RIMS2: variants seen among roughly 807,000 people sequenced by gnomAD.
The protein encoded by RIMS2 is regulating synaptic membrane exocytosis protein 2.
In RIMS2, 59 loss-of-function variants were observed where a neutral mutation model predicts 174.4. The ratio of observed to expected loss-of-function variants is 0.34; its 90% CI spans 0.27 to 0.42. RIMS2 has a LOEUF of 0.42. Among genes scored for constraint, RIMS2 ranks in the 10% least tolerant of loss-of-function variants. The pLI, the probability that RIMS2 is intolerant of heterozygous loss-of-function variation, is 1.00. For synonymous variants in RIMS2, 606 were observed against 572.5 expected, an observed-to-expected ratio of 1.06 and a Z score of -0.84; for missense variants, 1,620 against 1,666.3, an observed-to-expected ratio of 0.97 and a Z score of 0.48.
chr8:103,721,832 A>G (rs1019512024), intron 2 of RIMS2, among the ~76,000 whole-genome samples: 6 of 152,124 alleles, frequency 3.9e-5, no homozygotes, highest in African/African-American at 1.4e-4. Flanking sequence ...GTCAATAGCT[A>G]TATAGGGTTG....
intron 1 of RIMS2, among the ~76,000 whole-genome samples, chr8:103,508,047 T>C (rs1824548235): frequency 6.6e-6 from 1 of 152,162 alleles, no homozygotes; most frequent in South Asian, 2.1e-4. Flanking sequence ...ATGGTATTGT[T>C]TGATTATATT....
At chr8:103,724,096 G>T (rs1416226342) in intron 2 of RIMS2, among the ~76,000 whole-genome samples, 1 of 130,868 alleles carries the variant, frequency 7.6e-6, no homozygotes, top group Non-Finnish European at 1.5e-5. Context: ...GCACTGTACT[G>T]CAGGGATGTG....
intron 19 of RIMS2, among the ~76,000 whole-genome samples, chr8:104,084,486 A>C (rs2097499392): frequency 6.6e-6 from 1 of 151,478 alleles, no homozygotes; most frequent in Non-Finnish European, 1.5e-5. Context: ...AGAATGAATA[A>C]ACCTGAATTT....
chr8:104,226,723 T>C (rs1170652009), intron 19 of RIMS2, among the ~76,000 whole-genome samples: 1 of 152,200 alleles, frequency 6.6e-6, no homozygotes, highest in South Asian at 2.1e-4. Context: ...TAAACATTGA[T>C]TCAGGTGTCA....
At position 103,865,800 on chromosome 8, in the gene RIMS2, A is replaced by G. The variant is rs573873486; in HGVS notation, c.699-19498A>G. ...TTAACAGAAGCACTATTTTTTTTCT[A>G]TTATTCAGAATTTGGATAATATTTT... On this transcript the variant is annotated intron_variant, in intron 3 of 23. Coordinates refer to ENST00000504942, the Ensembl canonical transcript of RIMS2. Among the ~76,000 whole-genome samples the G allele has an allele frequency of 5.9e-3, 896 of 152,094 alleles. 3 individuals carry two copies. The highest frequency in any genetic ancestry group is 0.01 in the Non-Finnish European group (713 of 67,950).
rs1038578556 is a variant in RIMS2, at chr8:104,126,994, C to G, written c.3334+112379C>G. On this transcript the variant is annotated intron_variant, in intron 19 of 23. Coordinates refer to ENST00000504942, the Ensembl canonical transcript of RIMS2. Reference sequence around the variant, plus strand: ...GCTAGTGCCCATTCAGCTCAAAGTTCTAAATTATCTGAAACTCAGAATAAT... The same window carrying G: ...GCTAGTGCCCATTCAGCTCAAAGTTGTAAATTATCTGAAACTCAGAATAAT... 2.6e-5 allele frequency among the ~76,000 whole-genome samples: 4 copies of G among 152,160 alleles called. No individual in the cohort carries two copies. The South Asian group carries it at 6.2e-4, about 24-fold the overall frequency.
intron 1 of RIMS2, among the ~76,000 whole-genome samples, chr8:103,550,422 C>T (rs922105790): frequency 2.0e-5 from 3 of 152,072 alleles, no homozygotes; most frequent in African/African-American, 7.2e-5. Context: ...AACAAAGACA[C>T]AACATAACCA....
At chr8:103,871,068 C>T (rs1040871620) in intron 3 of RIMS2, among the ~76,000 whole-genome samples, 2 of 152,156 alleles carry the variant, frequency 1.3e-5, no homozygotes, top group Non-Finnish European at 2.9e-5. Flanking sequence ...TGTGCCATTT[C>T]AAATTCATTG....
chr8:104,099,263 T>A (rs2130860002), intron 19 of RIMS2, among the ~76,000 whole-genome samples: 1 of 152,328 alleles, frequency 6.6e-6, no homozygotes, highest in Non-Finnish European at 1.5e-5. Flanking sequence ...TGTTTTGTTT[T>A]GTTTTTAATT....
chr8:103,565,082 T>G (rs2092169855), intron 1 of RIMS2, among the ~76,000 whole-genome samples: 1 of 152,208 alleles, frequency 6.6e-6, no homozygotes, highest in Non-Finnish European at 1.5e-5. Context: ...ACATATGGGC[T>G]AAAGACATGT....
intron 19 of RIMS2, among the ~76,000 whole-genome samples, chr8:104,097,291 C>G (rs567263916): frequency 9.9e-5 from 15 of 152,072 alleles, no homozygotes; most frequent in African/African-American, 3.4e-4. Flanking sequence ...ATACACATAG[C>G]CTGAAGGTAA....
At chr8:103,606,704 A>G (rs2095107916) in intron 1 of RIMS2, among the ~76,000 whole-genome samples, 1 of 152,122 alleles carries the variant, frequency 6.6e-6, no homozygotes, top group Non-Finnish European at 1.5e-5. Flanking sequence ...GTGCATATAT[A>G]TTTAGGATAG....
In RIMS2 at chr8:103,661,619, T is replaced by C. The variant is rs143773172; in HGVS notation, c.177-35467T>C. Among the ~76,000 whole-genome samples, 27 of 152,278 alleles carry C rather than the reference T, an allele frequency of 1.8e-4. 1 individual carries two copies. Among genetic ancestry groups the C allele is most frequent in the African/African-American group, 6.5e-4 (27 of 41,550 alleles). On this transcript the variant is annotated intron_variant, in intron 1 of 23. Coordinates refer to ENST00000504942, the Ensembl canonical transcript of RIMS2. ...CCCGGGTTCAATCAATTATCCTGCCTCAGCCTCCCGAGTAGCTGGGATTAC... is the reference window on the plus strand; with the variant it reads ...CCCGGGTTCAATCAATTATCCTGCCCCAGCCTCCCGAGTAGCTGGGATTAC...
At chr8:103,510,587 C>T (rs1357272718) in intron 1 of RIMS2, among the ~76,000 whole-genome samples, 1 of 152,026 alleles carries the variant, frequency 6.6e-6, no homozygotes, top group Non-Finnish European at 1.5e-5. Flanking sequence ...TTCTTACCTC[C>T]TAGAGGCCTC....
chr8:104,081,130 G>T (rs1034778075), intron 19 of RIMS2, among the ~76,000 whole-genome samples: 14 of 151,804 alleles, frequency 9.2e-5, no homozygotes, highest in Non-Finnish European at 1.9e-4. Flanking sequence ...CAAAGAAATC[G>T]CTGTGATTTT....
At chr8:104,085,581 T>A (rs146891515) in intron 19 of RIMS2, among the ~76,000 whole-genome samples, 1 of 152,274 alleles carries the variant, frequency 6.6e-6, no homozygotes, top group African/African-American at 2.4e-5. Flanking sequence ...CAGCAGCAAC[T>A]GCCACAAATA....
chr8:103,984,372 G>A (rs926240285), intron 16 of RIMS2, among the ~76,000 whole-genome samples: 5 of 152,056 alleles, frequency 3.3e-5, no homozygotes, highest in Admixed American at 1.3e-4. Context: ...AATCCAATAA[G>A]CCAGTTAAAA....
At chr8:103,795,399 CAG>C (rs1368391708) in intron 3 of RIMS2, among the ~76,000 whole-genome samples, 1 of 133,666 alleles carries the variant, frequency 7.5e-6, no homozygotes, top group African/African-American at 2.9e-5. Context: ...CACCTGGACA[CAG>C]AGTAGGGAAC....
chr8:103,631,256 T>G (rs2095911749), intron 1 of RIMS2, among the ~76,000 whole-genome samples: 1 of 152,220 alleles, frequency 6.6e-6, no homozygotes. Flanking sequence ...ATTTTGGGTT[T>G]TATATTTAAG....
Sources: gnomAD v4.1 joint callset for allele counts (sites outside exome capture counted in the v4.1 genomes callset) on GRCh38, gnomAD v4.1.1 for gene constraint, MANE v1.5 for transcripts, NCBI Gene and HGNC (gene_info 2026-07-23, HGNC 2026-07-21) for gene names.